CTDP1: variants seen among roughly 807,000 people sequenced by gnomAD.
The protein encoded by CTDP1 is CTD phosphatase 1, also known as RNA polymerase II subunit A C-terminal domain phosphatase.
In CTDP1, 47 loss-of-function variants were observed where a neutral mutation model predicts 91.8. The ratio of observed to expected loss-of-function variants is 0.51; its 90% CI spans 0.41 to 0.65. The LOEUF (loss-of-function observed/expected upper bound fraction) is 0.65. CTDP1 is among the 30% of genes least tolerant of loss of function. CTDP1 has a pLI of 0.00. For missense variants in CTDP1, 1,272 were observed against 1,373.7 expected, an observed-to-expected ratio of 0.93 and a Z score of 1.17; for synonymous variants, 656 against 598.5, an observed-to-expected ratio of 1.10 and a Z score of -1.40.
chr18:79,751,497 G>A (rs1350675055), intron 12 of CTDP1, among the ~76,000 whole-genome samples: 3 of 152,180 alleles, frequency 2.0e-5, no homozygotes, highest in South Asian at 2.1e-4. Context: ...CGAGCTTGTC[G>A]TGACTGATCG....
At chr18:79,739,770 G>A (rs181478771) in intron 12 of CTDP1, among the ~76,000 whole-genome samples, 1,649 of 151,038 alleles carry the variant, frequency 0.011, 28 homozygotes, top group African/African-American at 0.039. Flanking sequence ...CTTCATACCC[G>A]CCGCCAGGAC....
upstream of CTDP1, among the ~76,000 whole-genome samples, chr18:79,677,002 C>T (rs1195082090): frequency 6.6e-6 from 1 of 152,224 alleles, no homozygotes; most frequent in Admixed American, 6.5e-5. Context: ...CATCTGTCTA[C>T]CTAGATCAGT....
At chr18:79,722,399 A>G (rs2086363012) in intron 10 of CTDP1, among the ~76,000 whole-genome samples, 4 of 152,248 alleles carry the variant, frequency 2.6e-5, no homozygotes, top group African/African-American at 7.2e-5. Context: ...GTTCATTTGA[A>G]TAAGTCGACT....
At chr18:79,753,531 C>T in intron 12 of CTDP1, 121 bp from the exon 13 acceptor site, 1 of 1,498,780 alleles carries the variant, frequency 6.7e-7, no homozygotes, top group South Asian at 1.2e-5. Flanking sequence ...GTGTCCTTGA[C>T]CAGAGAATTG....
At position 79,740,499 on chromosome 18, in the gene CTDP1, G is replaced by A. The variant is rs116357217; in HGVS notation, c.2747+3978G>A. Among the ~76,000 whole-genome samples the A allele has an allele frequency of 1.8e-3, 279 of 152,304 alleles. 1 individual carries two copies. The highest frequency in any genetic ancestry group is 6.2e-3 in the African/African-American group (256 of 41,558). On this transcript the variant is annotated intron_variant, in intron 12 of 12. Transcript: ENST00000613122. Reference sequence around the variant, plus strand: ...TTCACATGAAATTTTTGCTTGTAACGAAGTAAATGTGGTTTGAGTTTTTTA... The same window carrying A: ...TTCACATGAAATTTTTGCTTGTAACAAAGTAAATGTGGTTTGAGTTTTTTA...
chr18:79,717,434 T>G, intron 8 of CTDP1, 101 bp from the exon 9 acceptor site: 1 of 1,531,390 alleles, frequency 6.5e-7, no homozygotes, highest in South Asian at 1.1e-5. Context: ...TGAGCCCTGG[T>G]GGGGTACAGC....
At chr18:79,730,763 G>T (rs2086549915) in intron 11 of CTDP1, among the ~76,000 whole-genome samples, 1 of 152,214 alleles carries the variant, frequency 6.6e-6, no homozygotes, top group Admixed American at 6.5e-5. Context: ...AGGAGCCCCG[G>T]CGCCAAGGAC....
At chr18:79,756,579 A>G (rs2122938699), downstream of CTDP1, 1 of 152,378 alleles carries the variant, frequency 6.6e-6, no homozygotes, top group African/African-American at 2.4e-5. Context: ...TTAAATACTG[A>G]ATAATTATAC....
intron 11 of CTDP1, among the ~76,000 whole-genome samples, chr18:79,733,803 G>A (rs1001421788): frequency 3.3e-5 from 5 of 152,168 alleles, no homozygotes; most frequent in African/African-American, 1.2e-4. Context: ...ATCCAGGGTC[G>A]TGCAAGGAGG....
intron 12 of CTDP1, among the ~76,000 whole-genome samples, chr18:79,753,346 T>C (rs1046469156): frequency 2.6e-5 from 4 of 152,274 alleles, no homozygotes; most frequent in Non-Finnish European, 5.9e-5. Flanking sequence ...TTTCCTGTTC[T>C]GATGTCTTCT....
At chr18:79,740,191 C>T (rs11874186) in intron 12 of CTDP1, among the ~76,000 whole-genome samples, 4,488 of 113,100 alleles carry the variant, frequency 0.04, 433 homozygotes, top group East Asian at 0.14. Flanking sequence ...CTCATACCCA[C>T]GGCCGGGACG....
At chr18:79,716,506 A>G (rs985404771) in intron 8 of CTDP1, among the ~76,000 whole-genome samples, 1 of 152,212 alleles carries the variant, frequency 6.6e-6, no homozygotes, top group Admixed American at 6.5e-5. Context: ...TGATCCCAGG[A>G]GAAAGCCAAG....
At chr18:79,710,176 A>G (rs569104444) in intron 5 of CTDP1, among the ~76,000 whole-genome samples, 170 bp from the exon 6 acceptor site, 2 of 152,312 alleles carry the variant, frequency 1.3e-5, no homozygotes, top group African/African-American at 2.4e-5. Flanking sequence ...CATAAGAGAA[A>G]AGAAGCCCCA....
chr18:79,698,621 G>T (rs944573735), intron 4 of CTDP1, among the ~76,000 whole-genome samples: 1 of 152,204 alleles, frequency 6.6e-6, no homozygotes, highest in South Asian at 2.1e-4. Flanking sequence ...AGAGGCTTGC[G>T]CAGAGGCTTG....
intron 1 of CTDP1, among the ~76,000 whole-genome samples, chr18:79,687,798 C>A (rs2085536163): frequency 6.6e-6 from 1 of 152,226 alleles, no homozygotes; most frequent in African/African-American, 2.4e-5. Context: ...ACCATGGCTC[C>A]CTGGGGTCTG....
At chr18:79,749,860 G>A (rs932430779) in intron 12 of CTDP1, 5 of 152,346 alleles carry the variant, frequency 3.3e-5, no homozygotes, top group Admixed American at 6.5e-5. Context: ...AGCCGTCAGC[G>A]TGTATGCGGA....
At chr18:79,701,155 C>T (rs904772205) in intron 4 of CTDP1, among the ~76,000 whole-genome samples, 19 of 152,192 alleles carry the variant, frequency 1.2e-4, no homozygotes, top group Non-Finnish European at 2.5e-4. Context: ...GCTGACACCA[C>T]ATCCACCCTG....
chr18:79,717,942 C>G lies in CTDP1; in HGVS notation c.2343C>G (p.Leu781=). The stretch of plus-strand genomic sequence containing the variant: ...TCTACGACTCCAACACGGGGAAGCT[C>G]ATCAGGACGGGCGCCCGGGGGCCCC... ...VRIYDSNTGK[L]IRTGARGPPA... Residue 781 remains leucine, a synonymous_variant, in exon 10 of 13, where the codon CTC becomes CTG. Transcript: ENST00000613122. The G allele has an allele frequency of 6.2e-7, 1 of 1,613,556 alleles. No homozygotes were observed. Among genetic ancestry groups the G allele is most frequent in the South Asian group, 1.1e-5 (1 of 91,086 alleles).
chr18:79,703,771 T>C (rs2085906756), intron 4 of CTDP1: 2 of 152,292 alleles, frequency 1.3e-5, no homozygotes, highest in Non-Finnish European at 2.9e-5. Flanking sequence ...GGTTATGTCC[T>C]AGGCGGTCGT....
Sources: gnomAD v4.1 joint callset for allele counts (sites outside exome capture counted in the v4.1 genomes callset) on GRCh38, gnomAD v4.1.1 for gene constraint, MANE v1.5 for transcripts, NCBI Gene and HGNC (gene_info 2026-07-23, HGNC 2026-07-21) for gene names.